The following PLPPR1 variants were observed in gnomAD, a reference collection of about 807,000 sequenced individuals.
PLPPR1 encodes phospholipid phosphatase related 1, also known as phospholipid phosphatase-related protein type 1.
A neutral mutation model predicts 33.1 loss-of-function variants in PLPPR1; 10 were observed. The ratio of observed to expected loss-of-function variants is 0.30; its 90% CI spans 0.19 to 0.51. PLPPR1 has a LOEUF of 0.51. PLPPR1 is among the 20% of genes least tolerant of loss of function. The probability of loss-of-function intolerance (pLI) is 0.97; values close to 1 mark genes in which losing one functional copy is unlikely to be tolerated. For synonymous variants in PLPPR1, 151 were observed against 151.0 expected (o/e 1.00, Z 0.00); for missense variants, 304 against 408.1 (o/e 0.74, Z 2.20).
chr9:101,233,143 T>G (rs10989444), intron 2 of PLPPR1, among the ~76,000 whole-genome samples: 10,903 of 152,080 alleles, frequency 0.072, 481 homozygotes, highest in South Asian at 0.22. Context: ...TTTTCTGAAC[T>G]GAAATGTAAC....
chr9:101,203,772 G>C (rs549685902), intron 2 of PLPPR1, among the ~76,000 whole-genome samples: 7 of 49,652 alleles, frequency 1.4e-4, no homozygotes, highest in African/African-American at 4.2e-4. Context: ...TATAACTTCA[G>C]AAGTTATTTT....
chr9:101,246,095 T>TAGATAG (rs1409986436), intron 2 of PLPPR1, among the ~76,000 whole-genome samples: 105 of 110,326 alleles, frequency 9.5e-4, no homozygotes, highest in Middle Eastern at 4.6e-3. Flanking sequence ...TATATATATA[T>TAGATAG]ATATATATAT....
intron 1 of PLPPR1, among the ~76,000 whole-genome samples, chr9:101,068,089 T>A (rs1254799092): frequency 1.3e-5 from 2 of 152,110 alleles, no homozygotes. Context: ...GTTGATCCAC[T>A]ATTATAAGGG....
chr9:101,173,259 A>C (rs1368672360), intron 1 of PLPPR1, among the ~76,000 whole-genome samples: 1 of 152,150 alleles, frequency 6.6e-6, no homozygotes, highest in Non-Finnish European at 1.5e-5. Context: ...CTTACAAATC[A>C]TTTTTATATT....
At chr9:101,134,004 C>T (rs929454253) in intron 1 of PLPPR1, among the ~76,000 whole-genome samples, 5 of 152,098 alleles carry the variant, frequency 3.3e-5, no homozygotes, top group Admixed American at 6.6e-5. Context: ...AGGCACTTGG[C>T]GCATAGAACT....
chr9:101,130,062 G>A (rs912950197), intron 1 of PLPPR1, among the ~76,000 whole-genome samples: 1 of 152,028 alleles, frequency 6.6e-6, no homozygotes, highest in East Asian at 1.9e-4. Flanking sequence ...AACTTTTTGG[G>A]GATATGGAAA....
At chr9:101,066,925 C>A (rs1042710799) in intron 1 of PLPPR1, among the ~76,000 whole-genome samples, 1 of 151,978 alleles carries the variant, frequency 6.6e-6, no homozygotes, top group Non-Finnish European at 1.5e-5. Flanking sequence ...ACTTACCTAC[C>A]ATTTATTGAA....
At chr9:101,320,927 T>A (rs1207370315) in intron 7 of PLPPR1, among the ~76,000 whole-genome samples, 1 of 152,200 alleles carries the variant, frequency 6.6e-6, no homozygotes, top group Non-Finnish European at 1.5e-5. Flanking sequence ...AGTCTGAGAT[T>A]TCATTCAATG....
chr9:101,133,752 T>A (rs1409169932), intron 1 of PLPPR1, among the ~76,000 whole-genome samples: 1 of 152,182 alleles, frequency 6.6e-6, no homozygotes, highest in Non-Finnish European at 1.5e-5. Flanking sequence ...CTTGAGTTTA[T>A]CCCTGTAGGA....
chr9:101,181,167 C>A (rs1826104710), intron 1 of PLPPR1, among the ~76,000 whole-genome samples: 1 of 146,034 alleles, frequency 6.8e-6, no homozygotes. Flanking sequence ...TAATATATAT[C>A]TAATATATAT....
chr9:101,172,802 A>T (rs902590016), intron 1 of PLPPR1, among the ~76,000 whole-genome samples: 1 of 152,042 alleles, frequency 6.6e-6, no homozygotes, highest in Non-Finnish European at 1.5e-5. Context: ...CCCTTGTTGT[A>T]TCATTGCCTA....
At chr9:101,222,924 G>A (rs1158485029) in intron 2 of PLPPR1, among the ~76,000 whole-genome samples, 1 of 151,802 alleles carries the variant, frequency 6.6e-6, no homozygotes, top group Non-Finnish European at 1.5e-5. Context: ...GACTTTAAGT[G>A]TTTTGGTTGT....
intron 1 of PLPPR1, among the ~76,000 whole-genome samples, chr9:101,053,281 A>C (rs1295040822): frequency 1.3e-5 from 2 of 152,052 alleles, no homozygotes; most frequent in Admixed American, 1.3e-4. Context: ...TTCCTTTCTT[A>C]ATGTCGTCAA....
chr9:101,100,149 CA>C (rs150671231), intron 1 of PLPPR1, among the ~76,000 whole-genome samples: 17 of 148,026 alleles, frequency 1.1e-4, no homozygotes, highest in Admixed American at 2.7e-4. Context: ...ATGAAATTTA[CA>C]AAAAAAAATG....
At chr9:101,107,957 C>T (rs1201940036) in intron 1 of PLPPR1, among the ~76,000 whole-genome samples, 2 of 150,564 alleles carry the variant, frequency 1.3e-5, no homozygotes, top group African/African-American at 5.0e-5. Flanking sequence ...AAGGGAACTC[C>T]CTGACCCCTT....
At chr9:101,273,009 C>G (rs2118898931) in intron 3 of PLPPR1, among the ~76,000 whole-genome samples, 1 of 152,276 alleles carries the variant, frequency 6.6e-6, no homozygotes, top group African/African-American at 2.4e-5. Flanking sequence ...GCTAAATACA[C>G]AATACCAGAC....
intron 1 of PLPPR1, among the ~76,000 whole-genome samples, chr9:101,138,742 GA>G (rs1831409715): frequency 6.6e-6 from 1 of 152,186 alleles, no homozygotes; most frequent in African/African-American, 2.4e-5. Context: ...TGTGAAGCAG[GA>G]ATTATCACCC....
chr9:101,056,545 C>T (rs927529279), intron 1 of PLPPR1, among the ~76,000 whole-genome samples: 1 of 152,054 alleles, frequency 6.6e-6, no homozygotes, highest in Non-Finnish European at 1.5e-5. Context: ...TACCTTGTGG[C>T]CTTTGGAGTG....
chr9:101,147,880 G>A (rs934041326), intron 1 of PLPPR1, among the ~76,000 whole-genome samples: 1 of 152,202 alleles, frequency 6.6e-6, no homozygotes, highest in Non-Finnish European at 1.5e-5. Flanking sequence ...ATGCCCAGGA[G>A]TGTTCTGACC....
Sources: gnomAD v4.1 joint callset for allele counts (sites outside exome capture counted in the v4.1 genomes callset) on GRCh38, gnomAD v4.1.1 for gene constraint, MANE v1.5 for transcripts, NCBI Gene and HGNC (gene_info 2026-07-23, HGNC 2026-07-21) for gene names.